Variants in XPA observed in about 807,000 individuals in gnomAD.
The protein encoded by XPA is DNA repair protein complementing XP-A cells.
XPA carries 27 observed loss-of-function variants against 35.7 expected under a neutral mutation model. The observed-to-expected ratio is 0.76, with a 90% CI of 0.56 to 1.04. XPA has a LOEUF of 1.04. Ranked by LOEUF, XPA falls within the 50% of genes least tolerant of loss-of-function variation. The pLI is 0.00. For synonymous variants in XPA, 133 were observed against 118.4 expected (o/e 1.12, Z -0.80); for missense variants, 354 against 342.7 (o/e 1.03, Z -0.26).
At chr9:97,663,033 A>G in the XPA span, 1 of 1,611,012 alleles carries the variant, frequency 6.2e-7, no homozygotes, top group Non-Finnish European at 8.5e-7. Flanking sequence ...TGAGGTCTGG[A>G]GGAACCATCC....
In XPA at chr9:97,684,836, G is replaced by C. The variant is rs577595849; in HGVS notation, c.673+87C>G. On this transcript the variant is annotated intron_variant, in intron 5 of 5. Coordinates refer to ENST00000375128, the MANE Select transcript of XPA (RefSeq NM_000380.4). ...CTAAAAAACACATTCCAATCTATTG[G>C]TGACATTAAACAGGAAGAATCTAGC... 5.3e-6 allele frequency: 6 copies of C among 1,134,218 alleles called. No individual in the cohort carries two copies. The African/African-American group carries it at 9.2e-5, about 17-fold the overall frequency. The allele number at this position is 1,134,218 out of a possible 1,614,324, so 70.3% of individuals were successfully genotyped here.
At chr9:97,676,173 TAAG>T (rs1376823882) in intron 5 of XPA, among the ~76,000 whole-genome samples, 1 of 152,148 alleles carries the variant, frequency 6.6e-6, no homozygotes, top group Non-Finnish European at 1.5e-5. Flanking sequence ...GGGCTAAAAA[TAAG>T]AATCACAGAA....
At chr9:97,682,570 A>G (rs2131389641) in intron 5 of XPA, 1 of 430,748 alleles carries the variant, frequency 2.3e-6, no homozygotes, top group Non-Finnish European at 4.6e-6. Flanking sequence ...ATTTCTATTT[A>G]CAGAGACACT....
chr9:97,661,723 A>C, the XPA span, among the ~76,000 whole-genome samples: 2 of 145,910 alleles, frequency 1.4e-5, no homozygotes, highest in Non-Finnish European at 3.0e-5. Context: ...TTAAGACATA[A>C]GCTTAAGTGT....
At position 97,697,302 on chromosome 9, in the gene XPA, A is replaced by C; in HGVS notation, c.-10T>G. The C allele has an allele frequency of 6.3e-7, 1 of 1,597,300 alleles. No individual in the cohort carries two copies. The highest frequency in any genetic ancestry group is 8.5e-7 in the Non-Finnish European group (1 of 1,179,120). On this transcript the variant is annotated 5_prime_UTR_variant, in exon 1 of 6. Transcript: ENST00000375128. Reference sequence around the variant, plus strand: ...CGTCGGCCGCCGCCATCTCTGGCCCACTCCGAGGACCTAGCTCCCAGCTCC... The same window carrying C: ...CGTCGGCCGCCGCCATCTCTGGCCCCCTCCGAGGACCTAGCTCCCAGCTCC...
chr9:97,664,282 C>T, the XPA span: 37 of 1,086,774 alleles, frequency 3.4e-5, no homozygotes, highest in Middle Eastern at 2.1e-4. Context: ...TGTGGTGGCA[C>T]ATATATATGT....
chr9:97,682,392 C>G (rs1828574411), intron 5 of XPA: 3 of 518,978 alleles, frequency 5.8e-6, no homozygotes, highest in South Asian at 4.2e-5. Flanking sequence ...ACTCCAGTCT[C>G]AGCCCTTTGT....
At chr9:97,661,455 C>G in the XPA span, among the ~76,000 whole-genome samples, 1 of 152,114 alleles carries the variant, frequency 6.6e-6, no homozygotes, top group African/African-American at 2.4e-5. Flanking sequence ...CCATGTAATT[C>G]CAACCAGAAT....
chr9:97,691,760 G>A (rs1210220152), intron 2 of XPA, among the ~76,000 whole-genome samples: 10 of 151,702 alleles, frequency 6.6e-5, no homozygotes, highest in African/African-American at 2.4e-4. Context: ...GTGTGTGCCT[G>A]TAGTCCCAGC....
intron 1 of XPA, among the ~76,000 whole-genome samples, chr9:97,694,005 G>A (rs1828968761): frequency 6.6e-6 from 1 of 152,210 alleles, no homozygotes; most frequent in South Asian, 2.1e-4. Context: ...ATGTAATTAT[G>A]TGTGTAAAAT....
At chr9:97,668,719 G>A in the XPA span, 2 of 1,001,390 alleles carry the variant, frequency 2.0e-6, no homozygotes, top group Admixed American at 6.7e-5. Flanking sequence ...GCGGGGTGGG[G>A]GGGTACTTTC....
At chr9:97,694,987 A>G (rs1471929490) in intron 1 of XPA, among the ~76,000 whole-genome samples, 1 of 152,246 alleles carries the variant, frequency 6.6e-6, no homozygotes, top group African/African-American at 2.4e-5. Context: ...GCGCAAAAAA[A>G]GCCAGATACT....
At chr9:97,671,413 T>C (rs1828190152), downstream of XPA, 3 of 489,920 alleles carry the variant, frequency 6.1e-6, 1 homozygote, top group South Asian at 7.5e-5. Flanking sequence ...GACCATGATA[T>C]ATTATATATG....
intron 1 of XPA, among the ~76,000 whole-genome samples, chr9:97,695,815 T>C (rs1413903457): frequency 2.0e-5 from 3 of 152,244 alleles, no homozygotes; most frequent in Admixed American, 2.0e-4. Context: ...TGGTGGGTTG[T>C]ACACAATGCT....
the XPA span, chr9:97,668,838 T>G: frequency 1.2e-6 from 2 of 1,608,658 alleles, no homozygotes; most frequent in Non-Finnish European, 1.7e-6. Flanking sequence ...TTCATTTGCC[T>G]TCTATAGCGA....
At position 97,675,565 on chromosome 9, in the gene XPA, GCTT is replaced by G. The variant is rs1554699326; in HGVS notation, c.693_695del (p.Arg231del). On this transcript the variant is annotated inframe_deletion, in exon 6 of 6. Transcript: ENST00000375128. ...CAATCGTCTCCCTTTTCCACACGCT[GCTT>G]CTTACTGCTCGCCGCAATTCTGAAA... The G allele has an allele frequency of 3.1e-6, 5 of 1,613,742 alleles. No homozygotes were observed. Among genetic ancestry groups the G allele is most frequent in the Non-Finnish European group, 4.2e-6 (5 of 1,179,914 alleles).
the XPA span, chr9:97,669,652 A>G: frequency 1.2e-6 from 2 of 1,613,166 alleles, no homozygotes; most frequent in Non-Finnish European, 1.7e-6. Context: ...GGACCAGTGT[A>G]TTAACACCAT....
intron 5 of XPA, chr9:97,676,010 G>A (rs754005305): frequency 1.6e-4 from 31 of 199,896 alleles, no homozygotes; most frequent in South Asian, 6.0e-4. Context: ...TAGGAGCTAC[G>A]TCAATAAGCA....
chr9:97,658,635 T>C, the XPA span: 1 of 1,595,346 alleles, frequency 6.3e-7, no homozygotes, highest in Non-Finnish European at 8.6e-7. Flanking sequence ...TTATTTGTAT[T>C]GTAGGTTGTC....
Sources: allele counts gnomAD v4.1 joint callset (sites outside exome capture counted in the v4.1 genomes callset), GRCh38; gene constraint gnomAD v4.1.1; transcripts MANE v1.5; gene names NCBI Gene and HGNC (gene_info 2026-07-23, HGNC 2026-07-21).